The following CYP3A43 variants were observed in gnomAD, a reference collection of about 807,000 sequenced individuals.
CYP3A43 encodes cytochrome P450 3A43.
CYP3A43 carries 45 observed loss-of-function variants against 58.0 expected under a neutral mutation model. The observed-to-expected ratio is 0.78, with a 90% CI of 0.61 to 0.99. CYP3A43 has a LOEUF of 0.99. Ranked by LOEUF, CYP3A43 falls within the 50% of genes least tolerant of loss-of-function variation. CYP3A43 has a pLI of 0.00. For synonymous variants in CYP3A43, 191 were observed against 201.4 expected, an observed-to-expected ratio of 0.95 and a Z score of 0.44; for missense variants, 593 against 591.9, an observed-to-expected ratio of 1.00 and a Z score of -0.02.
At chr7:99,838,838 G>T in intron 2 of CYP3A43, 1 of 537,968 alleles carries the variant, frequency 1.9e-6, no homozygotes, top group Non-Finnish European at 3.1e-6. Context: ...AAATTAGCTG[G>T]GTGTGGTGGC....
intron 12 of CYP3A43, among the ~76,000 whole-genome samples, 175 bp from the exon 13 acceptor site, chr7:99,865,731 C>T (rs1818418790): frequency 6.7e-6 from 1 of 148,684 alleles, no homozygotes; most frequent in South Asian, 2.1e-4. Flanking sequence ...CTTTCACTAT[C>T]CAATCTTCAC....
At chr7:99,832,670 C>T (rs1411153531) in intron 1 of CYP3A43, among the ~76,000 whole-genome samples, 4 of 151,564 alleles carry the variant, frequency 2.6e-5, no homozygotes, top group Admixed American at 2.6e-4. Context: ...TGCACATGTA[C>T]CCTAAAACTT....
intron 1 of CYP3A43, among the ~76,000 whole-genome samples, chr7:99,834,442 C>T (rs2151590152): frequency 6.6e-6 from 1 of 152,146 alleles, no homozygotes; most frequent in Admixed American, 6.5e-5. Flanking sequence ...ACTGGATATC[C>T]TAAGAGTTCC....
chr7:99,838,778 G>A (rs539238446), intron 2 of CYP3A43: 25 of 751,604 alleles, frequency 3.3e-5, no homozygotes, highest in Middle Eastern at 5.6e-4. Context: ...TCAGGAGTTC[G>A]AGACCAGCTT....
chr7:99,862,288 C>T (rs1584242336), intron 11 of CYP3A43, among the ~76,000 whole-genome samples: 1 of 152,182 alleles, frequency 6.6e-6, no homozygotes, highest in South Asian at 2.1e-4. Context: ...GAATTTAGCA[C>T]CACGTTTAGG....
chr7:99,838,573 C>T, intron 2 of CYP3A43: 1 of 905,320 alleles, frequency 1.1e-6, no homozygotes, highest in Non-Finnish European at 1.5e-6. Flanking sequence ...TGTTCATAGA[C>T]AGAAGTAAGT....
intron 1 of CYP3A43, among the ~76,000 whole-genome samples, chr7:99,829,904 A>G (rs1816774925): frequency 1.3e-5 from 2 of 152,160 alleles, no homozygotes; most frequent in Admixed American, 6.5e-5. Flanking sequence ...TACCAATTCA[A>G]TTGTCCTCTC....
chr7:99,839,488 CCAGA>C, intron 3 of CYP3A43: 2 of 543,416 alleles, frequency 3.7e-6, no homozygotes, highest in South Asian at 3.1e-5. Context: ...CCTTTTTTCC[CCAGA>C]CAGATAGCTG....
intron 4 of CYP3A43, among the ~76,000 whole-genome samples, chr7:99,845,323 T>C (rs1290074045): frequency 6.6e-6 from 1 of 151,962 alleles, no homozygotes; most frequent in Non-Finnish European, 1.5e-5. Context: ...TTCTTTTTCT[T>C]TTTCTTTTTT....
chr7:99,860,173 G>A (rs144664242), intron 10 of CYP3A43, among the ~76,000 whole-genome samples, 183 bp downstream of exon 10: 30 of 152,344 alleles, frequency 2.0e-4, no homozygotes, highest in African/African-American at 6.3e-4. Context: ...TGCTTCTTGC[G>A]TAAGTGTAAG....
Position 99,859,679 on chromosome 7 carries a change from C to T in CYP3A43, c.866-151C>T, listed in dbSNP as rs1233902750. Reference sequence around the variant, plus strand: ...CCTTATTCTGGCTCTGTAGGATACACATCAGAGTGAAGCCACCCGCAGTGT... The same window carrying T: ...CCTTATTCTGGCTCTGTAGGATACATATCAGAGTGAAGCCACCCGCAGTGT... On this transcript the variant is annotated intron_variant, in intron 9 of 12. Transcript: ENST00000354829. 7.4e-6 allele frequency: 7 copies of T among 949,694 alleles called. No individual in the cohort carries two copies. In the East Asian group the frequency reaches 1.5e-4, roughly 20 times the overall value. The allele number at this position is 949,694 out of a possible 1,614,324, so 58.8% of individuals were successfully genotyped here. A position where few individuals can be genotyped will look rare whatever the true frequency, so the allele number is the denominator to read the frequency against.
chr7:99,844,047 A>T (rs2151602188), intron 3 of CYP3A43, 96 bp from the exon 4 acceptor site: 1 of 930,960 alleles, frequency 1.1e-6, no homozygotes, highest in Non-Finnish European at 1.6e-6. Flanking sequence ...AGTATGGATG[A>T]TGGAATGTCA....
intron 4 of CYP3A43, among the ~76,000 whole-genome samples, chr7:99,845,375 T>C (rs2151604048): frequency 6.6e-6 from 1 of 152,228 alleles, no homozygotes; most frequent in East Asian, 1.9e-4. Flanking sequence ...CAGACTGAAG[T>C]GCAGTGGCGC....
At chr7:99,847,353 TAGTATAG>T in intron 4 of CYP3A43, 128 bp from the exon 5 acceptor site, 1 of 777,376 alleles carries the variant, frequency 1.3e-6, no homozygotes, top group Non-Finnish European at 2.0e-6. Flanking sequence ...ATTGAGCATC[TAGTATAG>T]AGCCTGCCAC....
At chr7:99,850,831 C>T (rs694939) in intron 7 of CYP3A43, among the ~76,000 whole-genome samples, 29,625 of 152,138 alleles carry the variant, frequency 0.19, 5,829 homozygotes, top group African/African-American at 0.51. Flanking sequence ...TGGATCAGTA[C>T]TTCATTTCTT....
intron 7 of CYP3A43, among the ~76,000 whole-genome samples, chr7:99,852,315 A>G (rs1817793173): frequency 6.6e-6 from 1 of 152,220 alleles, no homozygotes; most frequent in African/African-American, 2.4e-5. Flanking sequence ...TTTAAAATCA[A>G]CTTGTCAATT....
chr7:99,832,596 T>C (rs896230179), intron 1 of CYP3A43, among the ~76,000 whole-genome samples: 1 of 150,012 alleles, frequency 6.7e-6, no homozygotes, highest in African/African-American at 2.5e-5. Flanking sequence ...TGCTAAATGA[T>C]GAGTTAATGG....
intron 2 of CYP3A43, among the ~76,000 whole-genome samples, chr7:99,837,045 C>G (rs1477493320): frequency 6.6e-6 from 1 of 151,740 alleles, no homozygotes; most frequent in East Asian, 1.9e-4. Flanking sequence ...GTGGCTCACG[C>G]CTGTAATCCC....
intron 6 of CYP3A43, among the ~76,000 whole-genome samples, chr7:99,848,487 A>G (rs1047128830): frequency 4.6e-5 from 7 of 152,200 alleles, no homozygotes; most frequent in Non-Finnish European, 5.9e-5. Context: ...TATCTGTTAC[A>G]TTGTCCCCTT....
Sources: gnomAD v4.1 joint callset for allele counts (sites outside exome capture counted in the v4.1 genomes callset) on GRCh38, gnomAD v4.1.1 for gene constraint, MANE v1.5 for transcripts, NCBI Gene and HGNC (gene_info 2026-07-23, HGNC 2026-07-21) for gene names.